AOAH: variants seen among roughly 807,000 people sequenced by gnomAD.
The protein encoded by AOAH is acyloxyacyl hydrolase.
AOAH carries 64 observed loss-of-function variants against 92.2 expected under a neutral mutation model. The ratio of observed to expected loss-of-function variants is 0.69; its 90% CI spans 0.57 to 0.86. The LOEUF (loss-of-function observed/expected upper bound fraction) is 0.86, where lower values mean the gene tolerates loss of function less well. Ranked by LOEUF, AOAH falls within the 40% of genes least tolerant of loss-of-function variation. The pLI is 0.00. For missense variants in AOAH, 656 were observed against 694.6 expected, an observed-to-expected ratio of 0.94 and a Z score of 0.62; for synonymous variants, 263 against 254.5, an observed-to-expected ratio of 1.03 and a Z score of -0.32.
rs528463976 is a variant in AOAH at position 36,674,981 on chromosome 7, G to T, written c.224-972C>A. On this transcript the variant is annotated intron_variant, in intron 2 of 20. Transcript: ENST00000617537. ...TTAAATACACTGTGCTCGGCTGGGT[G>T]CAGCGGCTCACGCCTGTAATCCCAG... 1.0e-3 allele frequency among the ~76,000 whole-genome samples: 157 copies of T among 152,370 alleles called. 1 individual carries two copies. Among genetic ancestry groups the T allele is most frequent in the African/African-American group, 3.7e-3 (154 of 41,590 alleles).
At chr7:36,674,371 A>C (rs1442542957) in intron 2 of AOAH, among the ~76,000 whole-genome samples, 1 of 152,202 alleles carries the variant, frequency 6.6e-6, no homozygotes, top group Non-Finnish European at 1.5e-5. Flanking sequence ...TGCATTAGTC[A>C]ATCATCTGAA....
At chr7:36,640,492 G>A (rs921183742) in intron 4 of AOAH, among the ~76,000 whole-genome samples, 6 of 152,168 alleles carry the variant, frequency 3.9e-5, no homozygotes, top group African/African-American at 1.2e-4. Flanking sequence ...CCTTGAGGCC[G>A]GGGCAACAGG....
intron 2 of AOAH, among the ~76,000 whole-genome samples, chr7:36,677,159 T>C (rs566869717): frequency 1.3e-5 from 2 of 152,158 alleles, no homozygotes; most frequent in South Asian, 2.1e-4. Flanking sequence ...GCCCACAGAA[T>C]GGGAGAAAAT....
At chr7:36,697,805 G>A (rs1173356022) in intron 1 of AOAH, among the ~76,000 whole-genome samples, 1 of 152,172 alleles carries the variant, frequency 6.6e-6, no homozygotes, top group East Asian at 1.9e-4. Context: ...AAAATGACCA[G>A]TGTTCTTCTA....
intron 12 of AOAH, among the ~76,000 whole-genome samples, chr7:36,588,191 T>C (rs1789487164): frequency 6.6e-6 from 1 of 152,270 alleles, no homozygotes; most frequent in African/African-American, 2.4e-5. Flanking sequence ...AAGAACACAG[T>C]GACTACTAAT....
intron 1 of AOAH, among the ~76,000 whole-genome samples, chr7:36,720,746 C>T (rs1229803400): frequency 1.3e-5 from 2 of 152,092 alleles, no homozygotes; most frequent in African/African-American, 4.8e-5. Context: ...CAGTGAATTT[C>T]CTGAAGACAG....
intron 14 of AOAH, 104 bp downstream of exon 14, chr7:36,549,335 G>T: frequency 1.2e-6 from 1 of 857,462 alleles, no homozygotes; most frequent in Non-Finnish European, 1.9e-6. Flanking sequence ...TGACTAACAA[G>T]CTATTTATGC....
intron 19 of AOAH, 90 bp downstream of exon 19, chr7:36,530,328 G>A (rs1784619784): frequency 1.2e-6 from 1 of 866,802 alleles, no homozygotes; most frequent in African/African-American, 1.7e-5. Context: ...TCTGCTGCCT[G>A]GTGGCTTATA....
At chr7:36,643,775 G>A (rs973514188) in intron 4 of AOAH, among the ~76,000 whole-genome samples, 2 of 152,070 alleles carry the variant, frequency 1.3e-5, no homozygotes, top group Non-Finnish European at 2.9e-5. Context: ...TCTCATGATA[G>A]TGGGTGAGTT....
intron 4 of AOAH, among the ~76,000 whole-genome samples, chr7:36,643,994 T>C (rs1186753993): frequency 6.6e-6 from 1 of 152,234 alleles, no homozygotes; most frequent in Admixed American, 6.5e-5. Context: ...CTATTTCAAG[T>C]ATCTCTTTAT....
At chr7:36,701,229 C>T (rs1798011952) in intron 1 of AOAH, among the ~76,000 whole-genome samples, 1 of 151,788 alleles carries the variant, frequency 6.6e-6, no homozygotes, top group South Asian at 2.1e-4. Context: ...CATGGTCAAT[C>T]CTGGAGAATG....
chr7:36,588,725 G>A, intron 12 of AOAH, among the ~76,000 whole-genome samples: 1 of 152,232 alleles, frequency 6.6e-6, no homozygotes, highest in Non-Finnish European at 1.5e-5. Flanking sequence ...CATCTATTGG[G>A]TAGGAGAGAA....
chr7:36,620,583 G>C (rs1792205548), intron 9 of AOAH, among the ~76,000 whole-genome samples, 198 bp downstream of exon 9: 1 of 152,210 alleles, frequency 6.6e-6, no homozygotes, highest in Non-Finnish European at 1.5e-5. Flanking sequence ...CCATGACTGA[G>C]AAAGCCTCAA....
At chr7:36,701,858 C>T (rs903074276) in intron 1 of AOAH, among the ~76,000 whole-genome samples, 8 of 152,112 alleles carry the variant, frequency 5.3e-5, no homozygotes, top group African/African-American at 1.9e-4. Flanking sequence ...TTCTTGTTTA[C>T]TATCTGTTTT....
intron 1 of AOAH, among the ~76,000 whole-genome samples, chr7:36,696,917 G>A (rs1043466367): frequency 6.6e-6 from 1 of 151,786 alleles, no homozygotes; most frequent in Non-Finnish European, 1.5e-5. Context: ...TGCTAAACTC[G>A]CTTATCAGTT....
chr7:36,670,599 C>A (rs747311148), intron 3 of AOAH, among the ~76,000 whole-genome samples: 1 of 152,118 alleles, frequency 6.6e-6, no homozygotes, highest in Non-Finnish European at 1.5e-5. Context: ...CTCAAGCTCC[C>A]GAGTAGCTGG....
chr7:36,708,620 T>G (rs1441282201), intron 1 of AOAH, among the ~76,000 whole-genome samples: 1 of 152,200 alleles, frequency 6.6e-6, no homozygotes, highest in Non-Finnish European at 1.5e-5. Context: ...ACTAATTTTT[T>G]TTGTTGTTGA....
chr7:36,710,379 G>A (rs34783369), intron 1 of AOAH, among the ~76,000 whole-genome samples: 86 of 152,268 alleles, frequency 5.6e-4, no homozygotes, highest in African/African-American at 2.0e-3. Context: ...TCTAGTAATT[G>A]AGAGTGATCC....
chr7:36,553,863 A>T (rs1440957922), intron 13 of AOAH, among the ~76,000 whole-genome samples: 5 of 152,112 alleles, frequency 3.3e-5, no homozygotes, highest in East Asian at 1.9e-4. Context: ...GTTTGAGTTC[A>T]TTGTAGATTC....
Sources: gnomAD v4.1 joint callset for allele counts (sites outside exome capture counted in the v4.1 genomes callset) on GRCh38, gnomAD v4.1.1 for gene constraint, MANE v1.5 for transcripts, NCBI Gene and HGNC (gene_info 2026-07-23, HGNC 2026-07-21) for gene names.